The following NRG3 variants were observed in gnomAD, a reference collection of about 807,000 sequenced individuals.
NRG3 encodes neuregulin 3, also known as pro-neuregulin-3, membrane-bound isoform.
NRG3 carries 31 observed loss-of-function variants against 66.9 expected under a neutral mutation model. The observed-to-expected ratio is 0.46, with a 90% CI of 0.35 to 0.63. The LOEUF (loss-of-function observed/expected upper bound fraction) is 0.63. NRG3 is among the 20% of genes least tolerant of loss of function. The pLI, the probability that NRG3 is intolerant of heterozygous loss-of-function variation, is 0.00. For missense variants in NRG3, 910 were observed against 878.9 expected, an observed-to-expected ratio of 1.04 and a Z score of -0.45; for synonymous variants, 393 against 359.4, an observed-to-expected ratio of 1.09 and a Z score of -1.06.
chr10:82,573,714 T>A lies in NRG3; in HGVS notation c.954-164863T>A, dbSNP rs1248861200. ...TGGAGTTCAAAGGCTAAAATGAAGATGTGCAACACAAATCTGCTGGTCTGC... is the reference window on the plus strand; with the variant it reads ...TGGAGTTCAAAGGCTAAAATGAAGAAGTGCAACACAAATCTGCTGGTCTGC... On this transcript the variant is annotated intron_variant, in intron 2 of 8. Transcript: ENST00000372141. 3.3e-5 allele frequency among the ~76,000 whole-genome samples: 5 copies of A among 151,712 alleles called. No individual in the cohort carries two copies. In the Admixed American group the frequency reaches 3.3e-4, roughly 10 times the overall value.
At chr10:82,488,874 T>C (rs557638615) in intron 2 of NRG3, among the ~76,000 whole-genome samples, 9 of 152,356 alleles carry the variant, frequency 5.9e-5, no homozygotes, top group Middle Eastern at 3.4e-3. Flanking sequence ...AAAAAATGTT[T>C]GGATTAAACC....
At chr10:82,669,472 T>C (rs1483600625) in intron 2 of NRG3, among the ~76,000 whole-genome samples, 1 of 152,186 alleles carries the variant, frequency 6.6e-6, no homozygotes, top group East Asian at 1.9e-4. Context: ...TTACTACCAA[T>C]TATGGTTTCT....
At chr10:82,123,893 G>A (rs1404768766) in intron 1 of NRG3, among the ~76,000 whole-genome samples, 3 of 151,032 alleles carry the variant, frequency 2.0e-5, no homozygotes, top group African/African-American at 7.3e-5. Context: ...TTTGCTCCCC[G>A]AGGTTGCTTG....
At chr10:82,977,910 A>T (rs1852452409) in intron 7 of NRG3, among the ~76,000 whole-genome samples, 1 of 152,200 alleles carries the variant, frequency 6.6e-6, no homozygotes, top group Non-Finnish European at 1.5e-5. Flanking sequence ...TCTTTGAGAG[A>T]CTGGTTTCTT....
chr10:81,908,957 T>C (rs948468181), intron 1 of NRG3, among the ~76,000 whole-genome samples: 1 of 152,158 alleles, frequency 6.6e-6, no homozygotes, highest in African/African-American at 2.4e-5. Flanking sequence ...ACTAGTTTTC[T>C]AGGACTGTTA....
chr10:82,245,052 CTTTA>C (rs925116879), intron 1 of NRG3, among the ~76,000 whole-genome samples: 2 of 152,028 alleles, frequency 1.3e-5, no homozygotes, highest in African/African-American at 4.8e-5. Flanking sequence ...TTATTGTGCA[CTTTA>C]TTTATATTAT....
rs144234901 is a variant in NRG3, at chr10:82,529,345, A to T, written c.953+170477A>T. On this transcript the variant is annotated intron_variant, in intron 2 of 8. Coordinates refer to ENST00000372141, the MANE Select transcript of NRG3 (RefSeq NM_001010848.4). ...TGGTGCAGGAAGATACAGTACAGCA[A>T]CTGGGAGAGGAGTTAGAGTAATACA... 3.5e-3 allele frequency among the ~76,000 whole-genome samples: 535 copies of T among 152,330 alleles called. 4 individuals are homozygous for T. Among genetic ancestry groups the T allele is most frequent in the African/African-American group, 0.013 (526 of 41,582 alleles).
chr10:82,143,256 G>T (rs945713812), intron 1 of NRG3, among the ~76,000 whole-genome samples: 1 of 152,140 alleles, frequency 6.6e-6, no homozygotes, highest in Non-Finnish European at 1.5e-5. Flanking sequence ...GAGGCAGGGG[G>T]CGGAGACTAA....
intron 1 of NRG3, among the ~76,000 whole-genome samples, chr10:82,085,498 C>A (rs1456905856): frequency 6.6e-6 from 1 of 151,998 alleles, no homozygotes; most frequent in East Asian, 1.9e-4. Context: ...GAGGGCATCA[C>A]CCCATGGTGG....
At chr10:82,705,340 C>T (rs899423071) in intron 2 of NRG3, among the ~76,000 whole-genome samples, 2 of 152,116 alleles carry the variant, frequency 1.3e-5, no homozygotes, top group Non-Finnish European at 2.9e-5. Flanking sequence ...CACTGCTGGT[C>T]CTTAAACATT....
intron 2 of NRG3, among the ~76,000 whole-genome samples, chr10:82,454,125 G>A (rs184369763): frequency 7.9e-5 from 12 of 152,324 alleles, no homozygotes; most frequent in African/African-American, 2.4e-4. Flanking sequence ...TCAATTGCCA[G>A]ATGGAAGTGG....
intron 2 of NRG3, among the ~76,000 whole-genome samples, chr10:82,656,499 T>C (rs1480330348): frequency 6.6e-6 from 1 of 152,156 alleles, no homozygotes; most frequent in Non-Finnish European, 1.5e-5. Context: ...AGTGAAACTT[T>C]ATAGGGTCAT....
At chr10:82,966,480 T>C (rs1412766841) in intron 6 of NRG3, among the ~76,000 whole-genome samples, 2 of 152,184 alleles carry the variant, frequency 1.3e-5, no homozygotes, top group Non-Finnish European at 2.9e-5. Context: ...AGATACACGC[T>C]ACAATATGAT....
chr10:82,486,983 A>G (rs573635958), intron 2 of NRG3, among the ~76,000 whole-genome samples: 9 of 151,888 alleles, frequency 5.9e-5, no homozygotes, highest in Non-Finnish European at 1.3e-4. Context: ...GATCTTCTGT[A>G]AACCATTGTG....
chr10:82,984,547 G>T lies in NRG3; in HGVS notation c.1584-551G>T, dbSNP rs1853255336. On this transcript the variant is annotated intron_variant, in intron 8 of 8. Transcript: ENST00000372141. ...CACAGTGCCAGTGGAAATTGGATTT[G>T]GATCCCCTAAAATCAGTGTGAAGCA... 2.0e-5 allele frequency among the ~76,000 whole-genome samples: 3 copies of T among 152,150 alleles called. No homozygotes were observed. The South Asian group carries it at 6.2e-4, about 32-fold the overall frequency.
At chr10:82,473,237 C>T (rs565765812) in intron 2 of NRG3, among the ~76,000 whole-genome samples, 2 of 152,156 alleles carry the variant, frequency 1.3e-5, no homozygotes, top group Admixed American at 6.5e-5. Flanking sequence ...ACGCACTGAG[C>T]TGTGTGTTTT....
At chr10:81,931,197 T>C (rs181072398) in intron 1 of NRG3, among the ~76,000 whole-genome samples, 1 of 152,300 alleles carries the variant, frequency 6.6e-6, no homozygotes, top group Admixed American at 6.5e-5. Context: ...GTTCAGAGCT[T>C]TAACTCTCTA....
intron 1 of NRG3, among the ~76,000 whole-genome samples, chr10:82,107,817 G>A (rs2067160062): frequency 6.6e-6 from 1 of 152,184 alleles, no homozygotes; most frequent in Non-Finnish European, 1.5e-5. Flanking sequence ...AAAAATGTAT[G>A]TTTAAAAAAC....
intron 2 of NRG3, among the ~76,000 whole-genome samples, chr10:82,420,993 G>A (rs1207112018): frequency 6.6e-6 from 1 of 152,112 alleles, no homozygotes; most frequent in Non-Finnish European, 1.5e-5. Flanking sequence ...ACAGAAGGGT[G>A]TGTTAATTAC....
Sources: allele counts gnomAD v4.1 joint callset (sites outside exome capture counted in the v4.1 genomes callset), GRCh38; gene constraint gnomAD v4.1.1; transcripts MANE v1.5; gene names NCBI Gene and HGNC (gene_info 2026-07-23, HGNC 2026-07-21).